TLN2: variants seen among roughly 807,000 people sequenced by gnomAD.
TLN2 encodes the protein talin 2, also known as talin-2.
TLN2 carries 118 observed loss-of-function variants against 294.7 expected under a neutral mutation model. The observed-to-expected ratio is 0.40, with a 90% CI of 0.34 to 0.47. TLN2 has a LOEUF of 0.47. TLN2 is among the 20% of genes least tolerant of loss of function. The pLI is 0.84. For synonymous variants in TLN2, 1,431 were observed against 1,304.5 expected (o/e 1.10, Z -2.09); for missense variants, 3,083 against 3,282.2 (o/e 0.94, Z 1.48).
chr15:62,441,888 C>A (rs893713751), intron 1 of TLN2, among the ~76,000 whole-genome samples: 2 of 152,252 alleles, frequency 1.3e-5, no homozygotes, highest in East Asian at 1.9e-4. Flanking sequence ...GGTGTGCCCC[C>A]CTAGAGGGCA....
chr15:62,433,492 T>G (rs1359746138), intron 1 of TLN2, among the ~76,000 whole-genome samples: 1 of 152,130 alleles, frequency 6.6e-6, no homozygotes, highest in Non-Finnish European at 1.5e-5. Context: ...GTCTTGGTGT[T>G]AGCCAATCTC....
intron 37 of TLN2, 41 bp from the exon 38 acceptor site, chr15:62,761,640 G>A (rs2062679468): frequency 1.2e-6 from 2 of 1,612,696 alleles, no homozygotes; most frequent in Non-Finnish European, 1.7e-6. Context: ...AATAATTTGT[G>A]CTTCTCAATT....
intron 1 of TLN2, among the ~76,000 whole-genome samples, chr15:62,461,170 G>A (rs990367458): frequency 6.6e-6 from 1 of 151,964 alleles, no homozygotes; most frequent in African/African-American, 2.4e-5. Flanking sequence ...GGCTGGTCTC[G>A]AACTTCCTCG....
intron 18 of TLN2, among the ~76,000 whole-genome samples, chr15:62,702,447 C>T (rs2058773899): frequency 6.6e-6 from 1 of 152,238 alleles, no homozygotes; most frequent in Non-Finnish European, 1.5e-5. Context: ...GAACTTAACA[C>T]ACATGACTAA....
At chr15:62,611,866 G>C (rs2047944420) in intron 2 of TLN2, among the ~76,000 whole-genome samples, 1 of 152,112 alleles carries the variant, frequency 6.6e-6, no homozygotes, top group South Asian at 2.1e-4. Context: ...AAGAATAATG[G>C]CTATCTCATG....
chr15:62,427,233 T>G (rs1271186630), intron 1 of TLN2, among the ~76,000 whole-genome samples: 1 of 152,154 alleles, frequency 6.6e-6, no homozygotes, highest in Non-Finnish European at 1.5e-5. Context: ...CAAACAGGAT[T>G]TATGGGTCTG....
At chr15:62,737,433 T>A (rs2061084900) in intron 29 of TLN2, among the ~76,000 whole-genome samples, 1 of 152,170 alleles carries the variant, frequency 6.6e-6, no homozygotes, top group Non-Finnish European at 1.5e-5. Flanking sequence ...ATGAGGTAGA[T>A]CCGCTAGGGC....
intron 4 of TLN2, among the ~76,000 whole-genome samples, chr15:62,648,592 G>A (rs1324508153): frequency 2.3e-5 from 3 of 127,868 alleles, no homozygotes. Context: ...TTGTTGCCCA[G>A]GCTGGAGGGC....
At chr15:62,482,741 T>A (rs1002317341) in intron 1 of TLN2, among the ~76,000 whole-genome samples, 2 of 150,970 alleles carry the variant, frequency 1.3e-5, no homozygotes, top group African/African-American at 2.4e-5. Context: ...TAAAAAAAAA[T>A]GGGGTTTCAG....
Position 62,842,995 on chromosome 15 carries a change from T to G in TLN2, c.*2385T>G, listed in dbSNP as rs183536520. Reference sequence around the variant, plus strand: ...CATGCCTTGTCTGGATGTTATTTAATAGGCACTACTGCGGTGTCCTCAGAT... The same window carrying G: ...CATGCCTTGTCTGGATGTTATTTAAGAGGCACTACTGCGGTGTCCTCAGAT... On this transcript the variant is annotated 3_prime_UTR_variant, in exon 59 of 59. Transcript: ENST00000636159. The G allele has an allele frequency of 6.6e-6, 1 of 152,350 alleles. No individual in the cohort carries two copies. Among genetic ancestry groups the G allele is most frequent in the African/African-American group, 2.4e-5 (1 of 41,574 alleles). 9.4% of individuals were successfully genotyped at this position (152,350 alleles called of 1,614,324 possible). A position where few individuals can be genotyped will look rare whatever the true frequency, so the allele number is the denominator to read the frequency against.
chr15:62,406,584 C>G (rs770745941), intron 1 of TLN2, among the ~76,000 whole-genome samples: 1 of 152,048 alleles, frequency 6.6e-6, no homozygotes, highest in African/African-American at 2.4e-5. Flanking sequence ...GTGACTTATG[C>G]GGAAATTTCT....
chr15:62,561,707 C>T (rs771161804), intron 1 of TLN2, among the ~76,000 whole-genome samples: 4 of 150,888 alleles, frequency 2.7e-5, no homozygotes, highest in Non-Finnish European at 5.9e-5. Flanking sequence ...TGCCACTGTG[C>T]CTGATCGCCT....
intron 14 of TLN2, among the ~76,000 whole-genome samples, chr15:62,696,291 C>A (rs996301374): frequency 6.6e-6 from 1 of 152,220 alleles, no homozygotes; most frequent in African/African-American, 2.4e-5. Flanking sequence ...CACACACAGA[C>A]CCTGTTTGTA....
chr15:62,573,759 T>G (rs957405431), intron 1 of TLN2, among the ~76,000 whole-genome samples: 4 of 146,290 alleles, frequency 2.7e-5, no homozygotes, highest in Non-Finnish European at 3.0e-5. Context: ...ATCCCTGAAT[T>G]TCTTTCTTCC....
intron 1 of TLN2, among the ~76,000 whole-genome samples, chr15:62,460,911 C>T (rs2036764134): frequency 6.6e-6 from 1 of 151,874 alleles, no homozygotes. Context: ...GTCATAATCT[C>T]GACTTAGTTT....
At chr15:62,496,346 G>T (rs189497245) in intron 1 of TLN2, among the ~76,000 whole-genome samples, 1 of 140,282 alleles carries the variant, frequency 7.1e-6, no homozygotes, top group African/African-American at 2.8e-5. Flanking sequence ...AGCATCACCC[G>T]TACAGCTTAA....
intron 54 of TLN2, chr15:62,828,545 G>A (rs2068445206): frequency 6.6e-6 from 1 of 152,184 alleles, no homozygotes. Flanking sequence ...ACATTTGTAT[G>A]TCCATGCATG....
intron 7 of TLN2, among the ~76,000 whole-genome samples, chr15:62,654,923 AT>A (rs1161508018): frequency 1.3e-5 from 2 of 151,900 alleles, no homozygotes; most frequent in Non-Finnish European, 2.9e-5. Context: ...AAGGGTCTTA[AT>A]TTATTACCCA....
At chr15:62,643,582 C>G (rs1486700791) in intron 3 of TLN2, among the ~76,000 whole-genome samples, 1 of 152,100 alleles carries the variant, frequency 6.6e-6, no homozygotes, top group Non-Finnish European at 1.5e-5. Context: ...ATTCCATGCC[C>G]TGCCCCCTCT....
Sources: allele counts gnomAD v4.1 joint callset (sites outside exome capture counted in the v4.1 genomes callset), GRCh38; gene constraint gnomAD v4.1.1; transcripts MANE v1.5; gene names NCBI Gene and HGNC (gene_info 2026-07-23, HGNC 2026-07-21).